Variants in TMIGD3 observed in about 807,000 individuals in gnomAD.
The protein encoded by TMIGD3 is AD026 protein (AD026).
Under a neutral mutation model 28.1 loss-of-function variants are expected in TMIGD3, and 21 were observed. The ratio of observed to expected loss-of-function variants is 0.75; its 90% CI spans 0.53 to 1.08. The LOEUF is 1.08. TMIGD3 is among the 50% of genes least tolerant of loss of function. The pLI, the probability that TMIGD3 is intolerant of heterozygous loss-of-function variation, is 0.00. For missense variants in TMIGD3, 416 were observed against 435.6 expected (o/e 0.96, Z 0.40); for synonymous variants, 151 against 162.1 (o/e 0.93, Z 0.52).
At chr1:111,497,236 G>A (rs548890097) in intron 1 of TMIGD3, among the ~76,000 whole-genome samples, 22 of 152,248 alleles carry the variant, frequency 1.4e-4, no homozygotes, top group African/African-American at 4.8e-4. Context: ...TCAGCCTCCC[G>A]AGTAGCTGGG....
intron 1 of TMIGD3, among the ~76,000 whole-genome samples, chr1:111,497,300 C>T (rs2032006): frequency 0.48 from 72,275 of 151,888 alleles, 18,914 homozygotes; most frequent in Admixed American, 0.61. Flanking sequence ...TTAGTAGAGA[C>T]GGGGTTTCAC....
At chr1:111,532,625 A>G (rs934165281) in intron 1 of TMIGD3, among the ~76,000 whole-genome samples, 17 of 152,286 alleles carry the variant, frequency 1.1e-4, no homozygotes, top group South Asian at 2.1e-4. Context: ...TCCTGTCTCT[A>G]CTTTTAAGAT....
intron 1 of TMIGD3, among the ~76,000 whole-genome samples, chr1:111,538,167 C>G (rs1656702952): frequency 6.6e-6 from 1 of 152,058 alleles, no homozygotes; most frequent in Non-Finnish European, 1.5e-5. Context: ...ATCAGTTTCA[C>G]CAAAAAAACA....
At chr1:111,506,081 TTA>T (rs67610358), upstream of TMIGD3, among the ~76,000 whole-genome samples, 2,839 of 152,278 alleles carry the variant, frequency 0.019, 94 homozygotes, top group African/African-American at 0.064. Context: ...TCCAAGACTG[TTA>T]CCCAACAGGA....
intron 1 of TMIGD3, among the ~76,000 whole-genome samples, chr1:111,518,419 T>C (rs903408836): frequency 5.3e-5 from 8 of 152,252 alleles, no homozygotes; most frequent in African/African-American, 1.9e-4. Flanking sequence ...GTAGGATGTT[T>C]AGCAGTAACC....
At chr1:111,492,746 G>A (rs535843503) in intron 1 of TMIGD3, among the ~76,000 whole-genome samples, 1 of 151,368 alleles carries the variant, frequency 6.6e-6, no homozygotes, top group Non-Finnish European at 1.5e-5. Flanking sequence ...CCCGGGAGGC[G>A]GAGGTTGCAG....
intron 1 of TMIGD3, among the ~76,000 whole-genome samples, chr1:111,539,321 C>T (rs6673086): frequency 0.44 from 66,652 of 151,852 alleles, 15,196 homozygotes; most frequent in East Asian, 0.54. Context: ...TTCTTTGAGA[C>T]GGAGTCTCGC....
chr1:111,484,062 A>G lies in TMIGD3; in HGVS notation c.974-305T>C, dbSNP rs998685502. 2.0e-5 allele frequency among the ~76,000 whole-genome samples: 3 copies of G among 152,220 alleles called. No homozygotes were observed. In the South Asian group the frequency reaches 6.2e-4, roughly 31 times the overall value. On this transcript the variant is annotated intron_variant, in intron 5 of 5. Coordinates refer to ENST00000369716, the MANE Select transcript of TMIGD3 (RefSeq NM_020683.7). ...GCCACATTTCATCTGCCCGAGTTTG[A>G]GGAAGCAGGCCATGGCTACAACAGG...
At chr1:111,543,040 G>T (rs1041918597) in intron 1 of TMIGD3, among the ~76,000 whole-genome samples, 2 of 152,154 alleles carry the variant, frequency 1.3e-5, no homozygotes, top group African/African-American at 4.8e-5. Flanking sequence ...AAAATCAAAA[G>T]TCTATTTGTA....
At chr1:111,551,126 T>C (rs1434552845) in intron 1 of TMIGD3, among the ~76,000 whole-genome samples, 1 of 152,228 alleles carries the variant, frequency 6.6e-6, no homozygotes, top group African/African-American at 2.4e-5. Context: ...TGTTTGTGTC[T>C]TTAAATCTAA....
intron 1 of TMIGD3, among the ~76,000 whole-genome samples, chr1:111,529,898 G>A (rs548885333): frequency 0.011 from 1,661 of 147,988 alleles, 32 homozygotes; most frequent in African/African-American, 0.04. Flanking sequence ...CCTCCCAGAC[G>A]GGGCGGCTGG....
intron 1 of TMIGD3, among the ~76,000 whole-genome samples, chr1:111,540,718 T>C (rs368776246): frequency 2.0e-5 from 3 of 152,284 alleles, no homozygotes; most frequent in South Asian, 2.1e-4. Context: ...AAGGTTCAAC[T>C]TCTGGTGGTT....
At position 111,558,961 on chromosome 1, in the gene TMIGD3, G is replaced by A. The variant is rs572022682; in HGVS notation, c.107+4885C>T. Among the ~76,000 whole-genome samples the A allele has an allele frequency of 1.6e-3, 239 of 152,218 alleles. 1 individual carries two copies. Among genetic ancestry groups the A allele is most frequent in the African/African-American group, 5.7e-3 (235 of 41,532 alleles). On this transcript the variant is annotated intron_variant, in intron 1 of 5. Transcript: ENST00000369717. ...ACTTTTATAAAAATCAAGCATATAT[G>A]AGGTCATAAATTATATTCTAACATA...
At chr1:111,507,885 A>C (rs1296377469), upstream of TMIGD3, among the ~76,000 whole-genome samples, 1 of 152,124 alleles carries the variant, frequency 6.6e-6, no homozygotes, top group Non-Finnish European at 1.5e-5. Context: ...CCCCTCCCCC[A>C]CCACTCTCCG....
At chr1:111,545,754 C>T (rs958177603) in intron 1 of TMIGD3, among the ~76,000 whole-genome samples, 4 of 152,092 alleles carry the variant, frequency 2.6e-5, no homozygotes, top group Admixed American at 2.0e-4. Flanking sequence ...GTTATTTTAG[C>T]TCTTATAGTT....
chr1:111,493,930 A>G (rs1654774054), intron 1 of TMIGD3, among the ~76,000 whole-genome samples: 1 of 152,234 alleles, frequency 6.6e-6, no homozygotes, highest in South Asian at 2.1e-4. Flanking sequence ...AAGTGTTCTT[A>G]TTCCCATCAT....
At chr1:111,510,489 A>G (rs1655653659) in intron 1 of TMIGD3, among the ~76,000 whole-genome samples, 1 of 152,040 alleles carries the variant, frequency 6.6e-6, no homozygotes, top group South Asian at 2.1e-4. Context: ...AATAAACTAG[A>G]CTGCCTTGTT....
At chr1:111,527,572 G>T (rs1656310696) in intron 1 of TMIGD3, among the ~76,000 whole-genome samples, 1 of 152,062 alleles carries the variant, frequency 6.6e-6, no homozygotes, top group South Asian at 2.1e-4. Context: ...ATTTAGTTTT[G>T]TCAGAAACTG....
intron 1 of TMIGD3, among the ~76,000 whole-genome samples, chr1:111,558,699 G>A (rs1657613810): frequency 6.6e-6 from 1 of 151,978 alleles, no homozygotes; most frequent in African/African-American, 2.4e-5. Context: ...TTATTTCCCA[G>A]GAAGATATAA....
Sources: gnomAD v4.1 joint callset for allele counts (sites outside exome capture counted in the v4.1 genomes callset) on GRCh38, gnomAD v4.1.1 for gene constraint, MANE v1.5 for transcripts, NCBI Gene and HGNC (gene_info 2026-07-23, HGNC 2026-07-21) for gene names.